DENND4A: variants seen among roughly 807,000 people sequenced by gnomAD.
DENND4A encodes the protein DENN domain containing 4A.
A neutral mutation model predicts 199.3 loss-of-function variants in DENND4A; 70 were observed. That is an observed-to-expected ratio of 0.35 (90% confidence interval 0.29 to 0.43). The LOEUF is 0.43. DENND4A is among the 20% of genes least tolerant of loss of function. DENND4A has a pLI of 1.00. For missense variants in DENND4A, 1,723 were observed against 2,255.8 expected, an observed-to-expected ratio of 0.76 and a Z score of 4.78; for synonymous variants, 686 against 766.9, an observed-to-expected ratio of 0.89 and a Z score of 1.74.
At chr15:65,785,921 C>T (rs2077555940) in intron 1 of DENND4A, among the ~76,000 whole-genome samples, 1 of 151,912 alleles carries the variant, frequency 6.6e-6, no homozygotes, top group Admixed American at 6.6e-5. Context: ...CCTGAAAATA[C>T]CTAAAAACAA....
chr15:65,673,681 A>G (rs1046103882), intron 24 of DENND4A, among the ~76,000 whole-genome samples: 5 of 151,656 alleles, frequency 3.3e-5, no homozygotes, highest in Non-Finnish European at 7.4e-5. Context: ...ACTCCCTACC[A>G]TGTAGAGACA....
At chr15:65,703,619 T>C (rs566429835) in intron 15 of DENND4A, among the ~76,000 whole-genome samples, 1 of 152,324 alleles carries the variant, frequency 6.6e-6, no homozygotes, top group South Asian at 2.1e-4. Context: ...AGGTGCTCTA[T>C]TAGGAGGTAA....
chr15:65,671,913 A>G, intron 24 of DENND4A, 27 bp from the exon 25 acceptor site: 1 of 1,326,796 alleles, frequency 7.5e-7, no homozygotes, highest in Admixed American at 1.7e-5. Context: ...AACAAAGAAC[A>G]GAAACCATTA....
At chr15:65,721,568 T>TA (rs2075645848) in intron 12 of DENND4A, among the ~76,000 whole-genome samples, 2 of 146,714 alleles carry the variant, frequency 1.4e-5, no homozygotes, top group Non-Finnish European at 3.0e-5. Flanking sequence ...CATTTGGACT[T>TA]AAAGATAGCT....
intron 13 of DENND4A, among the ~76,000 whole-genome samples, chr15:65,717,553 A>C (rs2075445948): frequency 6.6e-6 from 1 of 152,136 alleles, no homozygotes; most frequent in South Asian, 2.1e-4. Context: ...TATGGTTGGG[A>C]GGCTCTATAC....
intron 23 of DENND4A, chr15:65,680,784 TA>T (rs1566996143): frequency 6.6e-6 from 1 of 152,176 alleles, no homozygotes; most frequent in African/African-American, 2.4e-5. Flanking sequence ...CCAGTGCATA[TA>T]AAAGTTGTTC....
chr15:65,716,074 G>A (rs534377635), intron 13 of DENND4A, among the ~76,000 whole-genome samples: 8 of 152,014 alleles, frequency 5.3e-5, no homozygotes, highest in South Asian at 4.2e-4. Flanking sequence ...TTTATTTCCT[G>A]ATTCACCTTA....
Position 65,787,857 on chromosome 15 carries a change from A to G in DENND4A, c.-102+4153T>C, listed in dbSNP as rs75907798. 5.2e-3 allele frequency among the ~76,000 whole-genome samples: 799 copies of G among 152,298 alleles called. 9 individuals carry two copies. The highest frequency in any genetic ancestry group is 0.019 in the African/African-American group (774 of 41,566). ...ATTTATTTACCTTTGTAATCTCAGT[A>G]ACTAGCAAATTATCTGGCATCTCAT... On this transcript the variant is annotated intron_variant, in intron 1 of 32. Transcript: ENST00000443035.
At chr15:65,713,952 T>C (rs1208176954) in intron 14 of DENND4A, among the ~76,000 whole-genome samples, 1 of 152,180 alleles carries the variant, frequency 6.6e-6, no homozygotes, top group Non-Finnish European at 1.5e-5. Context: ...AGGGAATATA[T>C]GTATATATAC....
chr15:65,740,223 T>C (rs2076221034), intron 5 of DENND4A, among the ~76,000 whole-genome samples: 1 of 150,704 alleles, frequency 6.6e-6, no homozygotes, highest in African/African-American at 2.4e-5. Context: ...TGACTCATAA[T>C]CTTCTTGAGG....
intron 23 of DENND4A, among the ~76,000 whole-genome samples, chr15:65,689,009 C>T (rs1330093653): frequency 6.6e-6 from 1 of 152,132 alleles, no homozygotes; most frequent in Non-Finnish European, 1.5e-5. Context: ...AATAGGTTGA[C>T]AGTTATTTTC....
chr15:65,740,961 C>A (rs2076246012), intron 5 of DENND4A, among the ~76,000 whole-genome samples: 1 of 151,346 alleles, frequency 6.6e-6, no homozygotes, highest in Non-Finnish European at 1.5e-5. Context: ...GACCCCGTAC[C>A]CCCCCCAAAA....
At chr15:65,746,378 T>C (rs1219727558) in intron 4 of DENND4A, among the ~76,000 whole-genome samples, 12 of 74,774 alleles carry the variant, frequency 1.6e-4, no homozygotes, top group African/African-American at 6.3e-4. Flanking sequence ...TCTTTTTTTT[T>C]TTTTTTTTTT....
intron 14 of DENND4A, among the ~76,000 whole-genome samples, chr15:65,707,217 T>C (rs920067765): frequency 6.6e-6 from 1 of 152,024 alleles, no homozygotes; most frequent in Non-Finnish European, 1.5e-5. Flanking sequence ...GAAAACTTCA[T>C]AGAACCTAAA....
chr15:65,727,895 C>A, intron 11 of DENND4A: 1 of 327,694 alleles, frequency 3.1e-6, no homozygotes, highest in African/African-American at 2.2e-5. Flanking sequence ...GAAATGAAAA[C>A]ATAAAACCCT....
chr15:65,732,845 A>G, intron 7 of DENND4A, 27 bp from the exon 8 acceptor site: 1 of 1,414,564 alleles, frequency 7.1e-7, no homozygotes, highest in Non-Finnish European at 9.9e-7. Flanking sequence ...AGTGTAAGTG[A>G]TTCCAAAGTG....
At chr15:65,736,395 G>A (rs1367069451) in intron 7 of DENND4A, among the ~76,000 whole-genome samples, 1 of 151,600 alleles carries the variant, frequency 6.6e-6, no homozygotes, top group Non-Finnish European at 1.5e-5. Flanking sequence ...GAGTAGATGA[G>A]ATTACAGGTG....
chr15:65,715,518 T>C lies in DENND4A; in HGVS notation c.1913A>G (p.Lys638Arg). 6.2e-7 allele frequency: 1 copy of C among 1,612,076 alleles called. No individual in the cohort carries two copies. Among genetic ancestry groups the C allele is most frequent in the Admixed American group, 1.7e-5 (1 of 59,592 alleles). ...ATCAAAAAATGCCAGGCTTGCATCT[T>C]TGTCACTAACAAAAGAACATTCTTC... is the stretch of plus-strand genomic sequence containing the variant. ...FIEECSFVSD[K>R]DASLAFFDDC... The change falls in exon 14 of 33, where the codon AAA becomes AGA. Residue 638 changes from lysine (K) to arginine (R), a missense_variant. By Grantham distance (26) the Lys-to-Arg change is conservative. This residue lies in a region of DENND4A where 725 missense variants were observed against 952.9 expected (regional missense o/e 0.76). Coordinates refer to ENST00000443035, the MANE Select transcript of DENND4A (RefSeq NM_001320835.1).
At chr15:65,709,719 A>AAAAAAAAAATATATATAT (rs1218030026) in intron 14 of DENND4A, among the ~76,000 whole-genome samples, 17 of 51,440 alleles carry the variant, frequency 3.3e-4, no homozygotes, top group East Asian at 1.9e-3. Flanking sequence ...AAAAAAAAAA[A>AAAAAAAAAATATATATAT]ATATATATAT....
Sources: gnomAD v4.1 joint callset for allele counts (sites outside exome capture counted in the v4.1 genomes callset) on GRCh38, gnomAD v4.1.1 for gene constraint, gnomAD v4.1.1 regional missense constraint, MANE v1.5 for transcripts, NCBI Gene and HGNC (gene_info 2026-07-23, HGNC 2026-07-21) for gene names.